Variants in MYBL1 observed in about 807,000 individuals in gnomAD.
MYBL1 encodes the protein myb-related protein A.
MYBL1 carries 17 observed loss-of-function variants against 96.3 expected under a neutral mutation model. The observed-to-expected ratio is 0.18, with a 90% CI of 0.12 to 0.26. MYBL1 has a LOEUF of 0.26. MYBL1 is among the 10% of genes least tolerant of loss of function. The pLI, the probability that MYBL1 is intolerant of heterozygous loss-of-function variation, is 1.00. For missense variants in MYBL1, 701 were observed against 882.9 expected, an observed-to-expected ratio of 0.79 and a Z score of 2.61; for synonymous variants, 282 against 292.7, an observed-to-expected ratio of 0.96 and a Z score of 0.37.
chr8:66,567,038 C>T, intron 12 of MYBL1, 46 bp from the exon 13 acceptor site: 3 of 1,262,272 alleles, frequency 2.4e-6, no homozygotes, highest in Non-Finnish European at 3.4e-6. Context: ...TATAGCAATT[C>T]CTTTTTCTCC....
chr8:66,592,255 A>G (rs748054225), intron 8 of MYBL1, among the ~76,000 whole-genome samples, 185 bp downstream of exon 8: 17 of 152,088 alleles, frequency 1.1e-4, no homozygotes, highest in Non-Finnish European at 2.5e-4. Context: ...ACAGAGCAAG[A>G]CCCTGTCTCA....
chr8:66,595,633 C>A lies in MYBL1; in HGVS notation c.637G>T (p.Ala213Ser). 1 of 1,593,810 alleles carries A rather than the reference C, an allele frequency of 6.3e-7. No individual in the cohort carries two copies. Among genetic ancestry groups the A allele is most frequent in the South Asian group, 1.1e-5 (1 of 87,740 alleles). Residue 213 changes from alanine (A) to serine (S), a missense_variant, in exon 6 of 16, where the codon GCA (alanine) becomes TCA (serine). By Grantham distance (99) the Ala-to-Ser change is moderately conservative (BLOSUM62 1). Around this residue, in one of 5 missense-constraint regions of MYBL1, gnomAD observed 396 missense variants for 407.4 expected, o/e 0.97. Transcript: ENST00000522677. ...SSSKLQHKPC[A>S]AMDHMQTQNQ... is the part of the protein sequence containing the mutation. The stretch of plus-strand genomic sequence containing the variant: ...TGGGTTTGCATATGATCCATAGCTG[C>A]ACAAGGTTTGTGTTGAAGTTTAGAT...
intron 12 of MYBL1, 44 bp downstream of exon 12, chr8:66,572,438 A>G: frequency 1.0e-6 from 1 of 966,916 alleles, no homozygotes; most frequent in Admixed American, 2.7e-5. Flanking sequence ...TTTGTGTTTT[A>G]TTAAAATTAG....
At chr8:66,574,436 G>A (rs1281302855) in intron 10 of MYBL1, among the ~76,000 whole-genome samples, 3 of 152,164 alleles carry the variant, frequency 2.0e-5, no homozygotes, top group Non-Finnish European at 4.4e-5. Context: ...GCAGGGCTGG[G>A]AGTGAACAGA....
chr8:66,601,598 C>A (rs1191413053), intron 3 of MYBL1, 100 bp downstream of exon 3: 2 of 655,084 alleles, frequency 3.1e-6, no homozygotes, highest in Admixed American at 3.2e-5. Flanking sequence ...AGGAAGGAAA[C>A]CTAAAATTAA....
chr8:66,589,375 T>C (rs945383087), intron 8 of MYBL1, among the ~76,000 whole-genome samples: 3 of 151,984 alleles, frequency 2.0e-5, no homozygotes, highest in African/African-American at 7.2e-5. Context: ...TGCAGTGATA[T>C]GATCATAGCT....
intron 1 of MYBL1, among the ~76,000 whole-genome samples, chr8:66,609,481 G>C (rs1463877962): frequency 6.6e-6 from 1 of 151,856 alleles, no homozygotes; most frequent in South Asian, 2.1e-4. Context: ...CATATTCAAG[G>C]TATGAAAATT....
Position 66,564,377 on chromosome 8 carries a change from G to C in MYBL1, c.*320C>G, listed in dbSNP as rs1465682095. 1 of 167,474 alleles carries C rather than the reference G, an allele frequency of 6.0e-6. No homozygotes were observed. The highest frequency in any genetic ancestry group is 2.4e-5 in the African/African-American group (1 of 41,916). The allele number at this position is 167,474 out of a possible 1,614,324, so 10.4% of individuals were successfully genotyped here. ...ATCTATAACAAAACTGCAGCATCAAGAGAGTAGCAACATATATCTTGTGAA... is the reference window on the plus strand; with the variant it reads ...ATCTATAACAAAACTGCAGCATCAACAGAGTAGCAACATATATCTTGTGAA... On this transcript the variant is annotated 3_prime_UTR_variant, in exon 16 of 16. Coordinates refer to ENST00000522677, the MANE Select transcript of MYBL1 (RefSeq NM_001080416.4).
At chr8:66,588,776 C>T (rs1034340944) in intron 8 of MYBL1, among the ~76,000 whole-genome samples, 1 of 152,132 alleles carries the variant, frequency 6.6e-6, no homozygotes, top group Non-Finnish European at 1.5e-5. Flanking sequence ...AATCCCAACA[C>T]TTTGGGAGGC....
At chr8:66,599,170 T>A (rs1809969045) in intron 3 of MYBL1, 28 bp from the exon 4 acceptor site, 1 of 1,498,800 alleles carries the variant, frequency 6.7e-7, no homozygotes, top group Non-Finnish European at 9.0e-7. Context: ...ATTTTGTTAT[T>A]AAACAACTGT....
intron 8 of MYBL1, among the ~76,000 whole-genome samples, chr8:66,587,716 G>A (rs1436464153): frequency 1.3e-5 from 2 of 152,188 alleles, no homozygotes; most frequent in South Asian, 2.1e-4. Context: ...TTTCTGAGAT[G>A]ATGAAAATGT....
In MYBL1 at chr8:66,564,566, G is replaced by GA. The variant is rs1808429490; in HGVS notation, c.*130dup. The GA allele has an allele frequency of 1.6e-6, 1 of 618,170 alleles. No homozygotes were observed. The highest frequency in any genetic ancestry group is 2.4e-6 in the Non-Finnish European group (1 of 409,354). The allele number at this position is 618,170 out of a possible 1,614,324, so 38.3% of individuals were successfully genotyped here. Reference sequence around the variant, plus strand: ...AGCTTTCTGCCTACTATATAGAATAGAAAAAAGATGCTGTATTAAAAGGGC... The same window carrying GA: ...AGCTTTCTGCCTACTATATAGAATAGAAAAAAAGATGCTGTATTAAAAGGGC... On this transcript the variant is annotated 3_prime_UTR_variant, in exon 16 of 16. Coordinates refer to ENST00000522677, the MANE Select transcript of MYBL1 (RefSeq NM_001080416.4).
chr8:66,586,337 C>T (rs898318910), intron 8 of MYBL1, among the ~76,000 whole-genome samples: 1 of 152,092 alleles, frequency 6.6e-6, no homozygotes, highest in Non-Finnish European at 1.5e-5. Flanking sequence ...TGAGACAAGG[C>T]ACCCAGCCAA....
chr8:66,564,721 A>T lies in MYBL1; in HGVS notation c.2235T>A (p.Ser745Arg). The change falls in exon 16 of 16, where the codon AGT (serine) becomes AGA (arginine). Residue 745 changes from serine to arginine, a missense_variant. By Grantham distance (110) the Ser-to-Arg change is moderately radical. Coordinates refer to ENST00000522677, the MANE Select transcript of MYBL1 (RefSeq NM_001080416.4). ...ATTACAGTATGAGAGCTCTTGAAGT[A>T]CTACTGGTAGCTGTGTAAGTACTCA... ...RYLSTYTATS[S>R]TSRALIL 6.3e-7 allele frequency: 1 copy of T among 1,581,518 alleles called. No individual in the cohort carries two copies. The highest frequency in any genetic ancestry group is 8.6e-7 in the Non-Finnish European group (1 of 1,161,012).
chr8:66,578,421 G>C (rs1255798544), intron 9 of MYBL1, among the ~76,000 whole-genome samples: 1 of 152,142 alleles, frequency 6.6e-6, no homozygotes, highest in Non-Finnish European at 1.5e-5. Context: ...GTGGGCAAAG[G>C]ATATCAACAG....
intron 1 of MYBL1, among the ~76,000 whole-genome samples, chr8:66,602,945 C>T (rs1810163323): frequency 6.6e-6 from 1 of 151,014 alleles, no homozygotes; most frequent in Admixed American, 6.6e-5. Context: ...CAGGGTTTCA[C>T]CGTGTTAACC....
intron 8 of MYBL1, among the ~76,000 whole-genome samples, chr8:66,584,393 G>T (rs1042886263): frequency 7.2e-5 from 11 of 152,234 alleles, no homozygotes; most frequent in South Asian, 2.1e-4. Context: ...AAGAGAAAAA[G>T]AAAAGGCATC....
chr8:66,578,225 C>A (rs1232691433), intron 9 of MYBL1, among the ~76,000 whole-genome samples: 1 of 151,622 alleles, frequency 6.6e-6, no homozygotes, highest in African/African-American at 2.4e-5. Context: ...ACAAAATTGA[C>A]AAATGGGATC....
intron 14 of MYBL1, among the ~76,000 whole-genome samples, 194 bp downstream of exon 14, chr8:66,566,490 A>G (rs1308954683): frequency 6.6e-6 from 1 of 152,104 alleles, no homozygotes; most frequent in Non-Finnish European, 1.5e-5. Context: ...CTCTCATAAC[A>G]AAAGAAATAT....
Sources: allele counts gnomAD v4.1 joint callset (sites outside exome capture counted in the v4.1 genomes callset), GRCh38; gene constraint gnomAD v4.1.1; regional missense constraint gnomAD v4.1.1; transcripts MANE v1.5; gene names NCBI Gene and HGNC (gene_info 2026-07-23, HGNC 2026-07-21).